DLC1: variants seen among roughly 807,000 people sequenced by gnomAD.
DLC1 encodes the protein DLC1 Rho GTPase activating protein, also known as rho GTPase-activating protein 7.
Under a neutral mutation model 140.3 loss-of-function variants are expected in DLC1, and 54 were observed. The ratio of observed to expected loss-of-function variants is 0.38; its 90% CI spans 0.31 to 0.48. DLC1 has a LOEUF of 0.48. Ranked by LOEUF, DLC1 falls within the 20% of genes least tolerant of loss-of-function variation. The probability of loss-of-function intolerance (pLI) is 0.96; values close to 1 mark genes in which losing one functional copy is unlikely to be tolerated. For missense variants in DLC1, 2,536 were observed against 1,907.0 expected, an observed-to-expected ratio of 1.33 and a Z score of -6.14; for synonymous variants, 986 against 728.1, an observed-to-expected ratio of 1.35 and a Z score of -5.70.
chr8:13,131,290 T>C (rs1035346723), intron 5 of DLC1, among the ~76,000 whole-genome samples: 3 of 152,170 alleles, frequency 2.0e-5, no homozygotes, highest in Admixed American at 1.3e-4. Context: ...TTCAGAGGGC[T>C]GCAGTCTGCT....
chr8:13,587,581 A>AATAT (rs1243576965), intron 1 of DLC1, among the ~76,000 whole-genome samples: 2 of 132,076 alleles, frequency 1.5e-5, no homozygotes, highest in Non-Finnish European at 3.1e-5. Flanking sequence ...AGAGAGAGAA[A>AATAT]ATATATATAT....
chr8:13,439,038 A>C lies in DLC1; in HGVS notation c.1024-37419T>G, dbSNP rs530343437. ...CCAATAAATCTTTATTCATAAAAAC[A>C]GGCAGAGGCCGAGCACAGTGGCTCA... On this transcript the variant is annotated intron_variant, in intron 2 of 17. Transcript: ENST00000276297. Among the ~76,000 whole-genome samples, 35 of 152,360 alleles carry C rather than the reference A, an allele frequency of 2.3e-4. 1 individual carries two copies. In the South Asian group the frequency reaches 7.2e-3, roughly 32 times the overall value.
At chr8:13,245,988 C>T (rs1054984879) in intron 5 of DLC1, among the ~76,000 whole-genome samples, 6 of 152,178 alleles carry the variant, frequency 3.9e-5, no homozygotes, top group Non-Finnish European at 5.9e-5. Context: ...AGGTGTTAGA[C>T]ACCATGCCCA....
At chr8:13,491,319 C>T (rs1425849898) in intron 2 of DLC1, among the ~76,000 whole-genome samples, 1 of 151,836 alleles carries the variant, frequency 6.6e-6, no homozygotes, top group Non-Finnish European at 1.5e-5. Flanking sequence ...TCCACTCCAC[C>T]CCCAACTTCC....
intron 4 of DLC1, among the ~76,000 whole-genome samples, chr8:13,382,505 C>CAAAAAAAAA (rs71207149): frequency 1.7e-4 from 6 of 35,522 alleles, no homozygotes; most frequent in Non-Finnish European, 1.8e-4. Context: ...GACTCCGTCT[C>CAAAAAAAAA]AAAAAAAAAA....
At chr8:13,187,097 G>T (rs1005115451) in intron 5 of DLC1, among the ~76,000 whole-genome samples, 1 of 152,134 alleles carries the variant, frequency 6.6e-6, no homozygotes, top group East Asian at 1.9e-4. Flanking sequence ...TCAGGTGGCC[G>T]TATTTCAAAC....
At chr8:13,251,985 C>G (rs1272020765) in intron 5 of DLC1, among the ~76,000 whole-genome samples, 1 of 152,048 alleles carries the variant, frequency 6.6e-6, no homozygotes, top group Non-Finnish European at 1.5e-5. Context: ...TTTTACTAAG[C>G]TTTAGTGATA....
chr8:13,543,798 G>T (rs192634821), intron 1 of DLC1, among the ~76,000 whole-genome samples: 16 of 152,182 alleles, frequency 1.1e-4, no homozygotes, highest in Admixed American at 3.9e-4. Flanking sequence ...CTATAGGTAT[G>T]CAAAGGCATA....
intron 1 of DLC1, among the ~76,000 whole-genome samples, chr8:13,555,079 T>C (rs973442540): frequency 6.6e-5 from 10 of 152,356 alleles, no homozygotes; most frequent in Admixed American, 6.5e-4. Context: ...TGTAACACTT[T>C]TGCTCGATAA....
At chr8:13,128,295 G>T (rs1024198792) in intron 5 of DLC1, among the ~76,000 whole-genome samples, 5 of 152,094 alleles carry the variant, frequency 3.3e-5, no homozygotes, top group Non-Finnish European at 5.9e-5. Context: ...CAGTCAACGC[G>T]GGCCAGAGTT....
intron 1 of DLC1, among the ~76,000 whole-genome samples, chr8:13,540,915 T>G (rs1007936136): frequency 6.6e-6 from 1 of 152,224 alleles, no homozygotes; most frequent in Non-Finnish European, 1.5e-5. Context: ...TTTTATATCA[T>G]AAATGCAGGT....
chr8:13,490,900 C>T (rs1369335166), intron 2 of DLC1, among the ~76,000 whole-genome samples: 2 of 151,186 alleles, frequency 1.3e-5, no homozygotes, highest in African/African-American at 4.9e-5. Flanking sequence ...CCTCATACAT[C>T]GTAACTAATT....
intron 5 of DLC1, among the ~76,000 whole-genome samples, chr8:13,285,886 G>A (rs1026707182): frequency 3.9e-5 from 6 of 152,134 alleles, no homozygotes; most frequent in Non-Finnish European, 7.4e-5. Flanking sequence ...GCAGAGATCA[G>A]CTCAGTGCTT....
At chr8:13,428,239 T>C (rs765271263) in intron 2 of DLC1, among the ~76,000 whole-genome samples, 1 of 152,210 alleles carries the variant, frequency 6.6e-6, no homozygotes, top group Non-Finnish European at 1.5e-5. Context: ...CAAGAGACGC[T>C]GTGTGCCCTG....
intron 5 of DLC1, among the ~76,000 whole-genome samples, chr8:13,264,211 G>A (rs1830592672): frequency 6.6e-6 from 1 of 151,972 alleles, no homozygotes; most frequent in Non-Finnish European, 1.5e-5. Context: ...TGGGATTACA[G>A]GCAGCAGTCA....
chr8:13,107,197 C>T (rs897769492), intron 7 of DLC1, among the ~76,000 whole-genome samples: 1 of 152,168 alleles, frequency 6.6e-6, no homozygotes, highest in Non-Finnish European at 1.5e-5. Context: ...TTGGTTATTG[C>T]CAAACTTTAT....
At chr8:13,336,965 CAGATG>C (rs142462539) in intron 4 of DLC1, among the ~76,000 whole-genome samples, 4,746 of 152,074 alleles carry the variant, frequency 0.031, 113 homozygotes, top group South Asian at 0.097. Context: ...TTAGCTAAAG[CAGATG>C]AAATGAAAAA....
At chr8:13,292,168 C>T (rs182264553) in intron 5 of DLC1, among the ~76,000 whole-genome samples, 3 of 151,908 alleles carry the variant, frequency 2.0e-5, no homozygotes, top group African/African-American at 4.8e-5. Flanking sequence ...TGTTGGAATG[C>T]CTGAAGGAGT....
chr8:13,286,445 G>C (rs1048764384), intron 5 of DLC1, among the ~76,000 whole-genome samples: 1 of 151,834 alleles, frequency 6.6e-6, no homozygotes. Context: ...TCATGAAAGG[G>C]TCACTTTATA....
Sources: allele counts gnomAD v4.1 joint callset (sites outside exome capture counted in the v4.1 genomes callset), GRCh38; gene constraint gnomAD v4.1.1; transcripts MANE v1.5; gene names NCBI Gene and HGNC (gene_info 2026-07-23, HGNC 2026-07-21).